The following DNAJC11 variants were observed in gnomAD, a reference collection of about 807,000 sequenced individuals.
DNAJC11 encodes DnaJ heat shock protein family (Hsp40) member C11, also known as dnaJ homolog subfamily C member 11.
In DNAJC11, 15 loss-of-function variants were observed where a neutral mutation model predicts 78.6. That is an observed-to-expected ratio of 0.19 (90% CI 0.13 to 0.29). The LOEUF (loss-of-function observed/expected upper bound fraction) is 0.29, where lower values mean the gene tolerates loss of function less well. Ranked by LOEUF, DNAJC11 falls within the 10% of genes least tolerant of loss-of-function variation. The probability of loss-of-function intolerance (pLI) is 1.00; values close to 1 mark genes in which losing one functional copy is unlikely to be tolerated. For missense variants in DNAJC11, 547 were observed against 709.6 expected (o/e 0.77, Z 2.60); for synonymous variants, 292 against 272.1 (o/e 1.07, Z -0.72).
intron 1 of DNAJC11, among the ~76,000 whole-genome samples, chr1:6,687,996 A>G (rs1289993021): frequency 6.6e-6 from 1 of 152,234 alleles, no homozygotes; most frequent in Non-Finnish European, 1.5e-5. Context: ...CAAATACCAT[A>G]CAAAAAAATA....
intron 1 of DNAJC11, among the ~76,000 whole-genome samples, chr1:6,688,796 C>A (rs1413587391): frequency 6.6e-6 from 1 of 152,140 alleles, no homozygotes; most frequent in East Asian, 1.9e-4. Flanking sequence ...GAACACTGAC[C>A]AAACCAGCAG....
At chr1:6,675,384 C>T (rs1359965517) in intron 3 of DNAJC11, among the ~76,000 whole-genome samples, 1 of 151,468 alleles carries the variant, frequency 6.6e-6, no homozygotes, top group African/African-American at 2.4e-5. Context: ...TTGCCACCCA[C>T]GACTGTGCAC....
intron 4 of DNAJC11, among the ~76,000 whole-genome samples, chr1:6,658,709 T>C (rs1397067948): frequency 6.6e-6 from 1 of 152,254 alleles, no homozygotes; most frequent in Non-Finnish European, 1.5e-5. Context: ...TCTAAAAACT[T>C]ACTTTATAGA....
intron 4 of DNAJC11, among the ~76,000 whole-genome samples, chr1:6,662,885 G>C (rs1187997521): frequency 6.6e-6 from 1 of 152,038 alleles, no homozygotes; most frequent in Non-Finnish European, 1.5e-5. Context: ...TTGTTATTTT[G>C]CTCTCCACAA....
At chr1:6,637,805 C>T (rs1641806063) in intron 12 of DNAJC11, 1 of 506,468 alleles carries the variant, frequency 2.0e-6, no homozygotes, top group South Asian at 2.5e-5. Context: ...TTTGTTGACC[C>T]AATAAAAAAA....
chr1:6,692,515 T>C (rs1642761968), intron 1 of DNAJC11, among the ~76,000 whole-genome samples: 1 of 151,868 alleles, frequency 6.6e-6, no homozygotes, highest in Non-Finnish European at 1.5e-5. Context: ...TATCCCCATG[T>C]CAACTTTCCA....
Position 6,653,619 on chromosome 1 carries a change from AC to A in DNAJC11, c.507+291del, listed in dbSNP as rs547799418. ...ATGGAGGTCTGCTTTCTCTCCCAGA[AC>A]CCCATGACCTTGGGCCTCTACTTCT... On this transcript the variant is annotated intron_variant, in intron 5 of 15. Transcript: ENST00000377577. This position sits in a 1 kb window ranked among gnomAD's most constrained non-coding sequence, Gnocchi z 4.5. 2.7e-3 allele frequency among the ~76,000 whole-genome samples: 404 copies of A among 152,058 alleles called. 3 individuals carry two copies. Among genetic ancestry groups the A allele is most frequent in the African/African-American group, 9.5e-3 (394 of 41,442 alleles).
chr1:6,669,159 C>G (rs2148741922), intron 3 of DNAJC11, among the ~76,000 whole-genome samples: 2 of 149,600 alleles, frequency 1.3e-5, no homozygotes, highest in Middle Eastern at 6.9e-3. Flanking sequence ...TGCACTCCAA[C>G]CTGGGTAACA....
intron 1 of DNAJC11, among the ~76,000 whole-genome samples, chr1:6,688,269 T>C (rs145469668): frequency 9.5e-4 from 145 of 152,342 alleles, no homozygotes; most frequent in African/African-American, 3.3e-3. Context: ...TGAATTTGCT[T>C]TCTTCCTCTT....
Position 6,667,646 on chromosome 1 carries a change from C to T in DNAJC11, c.378+63G>A. 4 of 1,363,796 alleles carry T rather than the reference C, an allele frequency of 2.9e-6. No individual in the cohort carries two copies. In the South Asian group the frequency reaches 4.7e-5, roughly 16 times the overall value. The allele number at this position is 1,363,796 out of a possible 1,614,324, so 84.5% of individuals were successfully genotyped here. ...TCCACCAGCACCTCATTATTTCAGA[C>T]CTGGCTTCTAGTTATGAGGCCTTTT... On this transcript the variant is annotated intron_variant, in intron 4 of 15. Coordinates refer to ENST00000377577, the MANE Select transcript of DNAJC11 (RefSeq NM_018198.4).
chr1:6,640,060 G>A lies in DNAJC11; in HGVS notation c.1098-3C>T, dbSNP rs1390899701. On this transcript the variant is annotated splice_polypyrimidine_tract_variant and splice_region_variant and intron_variant, in intron 10 of 15. Transcript: ENST00000377577. ...ATGTCTGACTGGCCCTGTTGAGCCT[G>A]GGGAAAAATACAAAAAAAAAAAAAA... The A allele has an allele frequency of 2.0e-6, 3 of 1,531,842 alleles. No homozygotes were observed. Among genetic ancestry groups the A allele is most frequent in the African/African-American group, 1.4e-5 (1 of 69,074 alleles). The allele number at this position is 1,531,842 out of a possible 1,614,324, so 94.9% of individuals were successfully genotyped here. A position where few individuals can be genotyped will look rare whatever the true frequency, so the allele number is the denominator to read the frequency against.
chr1:6,634,486 T>C lies in DNAJC11; in HGVS notation c.*1189A>G, dbSNP rs778390365. 1.5e-6 allele frequency: 2 copies of C among 1,333,538 alleles called. No individual in the cohort carries two copies. Among genetic ancestry groups the C allele is most frequent in the South Asian group, 2.4e-5 (2 of 83,348 alleles). 82.6% of individuals were successfully genotyped at this position (1,333,538 alleles called of 1,614,324 possible). A position where few individuals can be genotyped will look rare whatever the true frequency, so the allele number is the denominator to read the frequency against. On this transcript the variant is annotated 3_prime_UTR_variant, in exon 16 of 16. Transcript: ENST00000377577. Reference sequence around the variant, plus strand: ...ACTTCAGCAACAGCTGTGGGTGGGCTGGAGGCCGGCGCAGCTTGGGGCCCC... The same window carrying C: ...ACTTCAGCAACAGCTGTGGGTGGGCCGGAGGCCGGCGCAGCTTGGGGCCCC...
Position 6,635,646 on chromosome 1 carries a change from G to C in DNAJC11, c.*29C>G, listed in dbSNP as rs757364100. ...AGACTCCCAGGAAAAGATTTTTTGC[G>C]GCCTTTTAAAAATCTGGTTCTTGGC... On this transcript the variant is annotated 3_prime_UTR_variant, in exon 16 of 16. Transcript: ENST00000377577. 2 of 1,610,788 alleles carry C rather than the reference G, an allele frequency of 1.2e-6. No individual in the cohort carries two copies. The highest frequency in any genetic ancestry group is 2.7e-5 in the African/African-American group (2 of 74,634).
chr1:6,688,831 G>A (rs1642698172), intron 1 of DNAJC11, among the ~76,000 whole-genome samples: 1 of 152,210 alleles, frequency 6.6e-6, no homozygotes, highest in African/African-American at 2.4e-5. Flanking sequence ...AAGAAGGCAG[G>A]AAGTAGGTAA....
At position 6,645,218 on chromosome 1, in the gene DNAJC11, G is replaced by A; in HGVS notation, c.895-92C>T. ...GCCCTCCCACTAGCTCTGGGCATCTGCTGCACACAGGCCTTTAAGGCAGGG... is the reference window on the plus strand; with the variant it reads ...GCCCTCCCACTAGCTCTGGGCATCTACTGCACACAGGCCTTTAAGGCAGGG... On this transcript the variant is annotated intron_variant, in intron 8 of 15. Transcript: ENST00000377577. The surrounding 1 kb of genome is among the most constrained non-coding windows in gnomAD (Gnocchi z 4.1). 1 of 987,724 alleles carries A rather than the reference G, an allele frequency of 1.0e-6. No individual in the cohort carries two copies. Among genetic ancestry groups the A allele is most frequent in the Non-Finnish European group, 1.6e-6 (1 of 621,986 alleles). 61.2% of individuals were successfully genotyped at this position (987,724 alleles called of 1,614,324 possible). A position where few individuals can be genotyped will look rare whatever the true frequency, so the allele number is the denominator to read the frequency against.
intron 1 of DNAJC11, among the ~76,000 whole-genome samples, chr1:6,682,208 C>T (rs556571702): frequency 6.8e-6 from 1 of 148,118 alleles, no homozygotes; most frequent in East Asian, 2.0e-4. Flanking sequence ...CTGTTACTTC[C>T]ACAATTTTTC....
chr1:6,701,751 G>T lies in DNAJC11; in HGVS notation c.50C>A (p.Ser17Ter). The change falls in exon 1 of 16, where the codon TCG (serine) becomes TAG (stop). Residue 17 changes from serine (S) to a stop codon, truncating the protein, a stop_gained. Transcript: ENST00000377577. LOFTEE classifies it high-confidence loss of function. ...CACCTCCCTGCGCACGTTCAGCAAC[G>T]AGTAATAGTCTTCATTGTCCAGCTC... ...EEELDNEDYY[S>*]LLNVRREASS... The T allele has an allele frequency of 6.4e-7, 1 of 1,566,474 alleles. No homozygotes were observed. Among genetic ancestry groups the T allele is most frequent in the East Asian group, 2.5e-5 (1 of 39,538 alleles).
At chr1:6,649,167 T>C (rs889287676) in intron 7 of DNAJC11, among the ~76,000 whole-genome samples, 1 of 151,840 alleles carries the variant, frequency 6.6e-6, no homozygotes, top group Non-Finnish European at 1.5e-5. Flanking sequence ...TTTCCTCTTC[T>C]TGTGTCTGGA....
chr1:6,655,938 C>A (rs539354711), intron 4 of DNAJC11, among the ~76,000 whole-genome samples: 1 of 151,776 alleles, frequency 6.6e-6, no homozygotes, highest in African/African-American at 2.4e-5. Flanking sequence ...CCCATCTCTA[C>A]TAAAAATACA....
Sources: gnomAD v4.1 joint callset for allele counts (sites outside exome capture counted in the v4.1 genomes callset) on GRCh38, gnomAD v4.1.1 for gene constraint, Gnocchi (gnomAD v3.1) non-coding constraint, MANE v1.5 for transcripts, NCBI Gene and HGNC (gene_info 2026-07-23, HGNC 2026-07-21) for gene names.